Variants in PDE4D observed in about 807,000 individuals in gnomAD.
PDE4D encodes the protein 3',5'-cyclic-AMP phosphodiesterase 4D.
PDE4D carries 24 observed loss-of-function variants against 87.4 expected under a neutral mutation model. The observed-to-expected ratio is 0.27, with a 90% CI of 0.20 to 0.39. PDE4D has a LOEUF of 0.39. PDE4D is among the 10% of genes least tolerant of loss of function. The pLI, the probability that PDE4D is intolerant of heterozygous loss-of-function variation, is 1.00. For missense variants in PDE4D, 714 were observed against 1,041.0 expected (o/e 0.69, Z 4.32); for synonymous variants, 384 against 383.2 (o/e 1.00, Z -0.02).
intron 1 of PDE4D, among the ~76,000 whole-genome samples, chr5:59,684,634 T>G (rs1749561703): frequency 6.6e-6 from 1 of 152,112 alleles, no homozygotes; most frequent in South Asian, 2.1e-4. Context: ...TGTGGGGCCG[T>G]GAGGATATGC....
At chr5:59,312,162 A>G (rs979965097) in intron 1 of PDE4D, among the ~76,000 whole-genome samples, 1 of 152,158 alleles carries the variant, frequency 6.6e-6, no homozygotes, top group African/African-American at 2.4e-5. Flanking sequence ...CCCCTTTTCC[A>G]TGTACGACTT....
intron 5 of PDE4D, among the ~76,000 whole-genome samples, chr5:59,065,561 T>C (rs1351438483): frequency 6.6e-6 from 1 of 152,166 alleles, no homozygotes; most frequent in East Asian, 1.9e-4. Flanking sequence ...AATAAGTTTA[T>C]GGCATTGATT....
At chr5:60,247,961 TAAAC>T (rs1747988410) in intron 1 of PDE4D, among the ~76,000 whole-genome samples, 1 of 152,016 alleles carries the variant, frequency 6.6e-6, no homozygotes, top group African/African-American at 2.4e-5. Flanking sequence ...ATACAAATAA[TAAAC>T]AAATTAATAA....
chr5:60,274,593 T>C (rs1751177763), intron 1 of PDE4D, among the ~76,000 whole-genome samples: 1 of 152,162 alleles, frequency 6.6e-6, no homozygotes, highest in African/African-American at 2.4e-5. Flanking sequence ...ACTCCTGACC[T>C]CAAGTGATCC....
chr5:60,273,813 A>C (rs10471476), intron 1 of PDE4D, among the ~76,000 whole-genome samples: 60,868 of 151,878 alleles, frequency 0.4, 12,639 homozygotes, highest in Middle Eastern at 0.55. Context: ...GATGAGTTCT[A>C]GTCTGGGCAC....
At chr5:60,267,922 T>C (rs897491322) in intron 1 of PDE4D, among the ~76,000 whole-genome samples, 15 of 152,212 alleles carry the variant, frequency 9.9e-5, no homozygotes, top group Non-Finnish European at 1.8e-4. Context: ...TCCACGTTCA[T>C]TCCCAGTCAA....
chr5:60,068,934 G>C (rs1015378397), intron 2 of PDE4D, among the ~76,000 whole-genome samples: 2 of 152,106 alleles, frequency 1.3e-5, no homozygotes, highest in Non-Finnish European at 2.9e-5. Context: ...TGAAACCATT[G>C]CCAAGACCAA....
chr5:60,320,952 A>G (rs1206349097), intron 1 of PDE4D, among the ~76,000 whole-genome samples: 2 of 152,234 alleles, frequency 1.3e-5, no homozygotes, highest in African/African-American at 2.4e-5. Context: ...GGAAGAATCA[A>G]TGTTGTTAAA....
At chr5:59,579,516 G>C (rs1200067810) in intron 1 of PDE4D, among the ~76,000 whole-genome samples, 1 of 152,150 alleles carries the variant, frequency 6.6e-6, no homozygotes, top group Non-Finnish European at 1.5e-5. Flanking sequence ...TTTGAAGAAA[G>C]TAATAATTAT....
At chr5:60,124,678 C>T (rs1457184033) in intron 2 of PDE4D, among the ~76,000 whole-genome samples, 2 of 152,100 alleles carry the variant, frequency 1.3e-5, no homozygotes, top group East Asian at 1.9e-4. Flanking sequence ...TAAGTCTTAA[C>T]TACTATATAT....
chr5:59,885,728 G>T (rs956527260), intron 1 of PDE4D, among the ~76,000 whole-genome samples: 10 of 150,756 alleles, frequency 6.6e-5, no homozygotes, highest in African/African-American at 2.4e-4. Flanking sequence ...CTTACATGTT[G>T]TTTTTTTTTC....
At chr5:59,253,992 C>T (rs573037951) in intron 1 of PDE4D, among the ~76,000 whole-genome samples, 1 of 152,214 alleles carries the variant, frequency 6.6e-6, no homozygotes, top group Non-Finnish European at 1.5e-5. Context: ...GAAATCAAAT[C>T]TACTGGTGTG....
intron 1 of PDE4D, among the ~76,000 whole-genome samples, chr5:59,647,861 T>C (rs1384870300): frequency 1.3e-5 from 2 of 152,186 alleles, no homozygotes; most frequent in Non-Finnish European, 2.9e-5. Context: ...TATGATTTTA[T>C]TTTTATATAT....
intron 1 of PDE4D, among the ~76,000 whole-genome samples, chr5:60,351,901 G>A (rs1489847295): frequency 2.0e-5 from 3 of 151,252 alleles, no homozygotes; most frequent in African/African-American, 7.3e-5. Flanking sequence ...GAACTCTTGG[G>A]GTCAAGCGAT....
rs62358002 is a variant in PDE4D at position 59,211,841 on chromosome 5, A to G, written c.647+3936T>C. On this transcript the variant is annotated intron_variant, in intron 2 of 14. Coordinates refer to ENST00000340635, the MANE Select transcript of PDE4D (RefSeq NM_001104631.2). ...ATAGAGGATAAGATGACGATATCCT[A>G]TCTACTAGGAAGGGATTATCTTCCT... 1.8e-3 allele frequency among the ~76,000 whole-genome samples: 281 copies of G among 152,236 alleles called. 1 individual carries two copies. Among genetic ancestry groups the G allele is most frequent in the Middle Eastern group, 3.4e-3 (1 of 292 alleles).
chr5:59,993,904 G>T (rs1369071882), intron 2 of PDE4D, among the ~76,000 whole-genome samples: 1 of 151,870 alleles, frequency 6.6e-6, no homozygotes, highest in Non-Finnish European at 1.5e-5. Flanking sequence ...TCAAAAATTA[G>T]CCAACTTATA....
intron 2 of PDE4D, among the ~76,000 whole-genome samples, chr5:59,200,041 A>G (rs1288883950): frequency 5.6e-5 from 3 of 53,706 alleles, no homozygotes; most frequent in Non-Finnish European, 1.6e-4. Context: ...ATGCACACAC[A>G]CGTATGTACA....
chr5:59,410,361 C>G (rs530854408), intron 1 of PDE4D, among the ~76,000 whole-genome samples: 1 of 152,244 alleles, frequency 6.6e-6, no homozygotes, highest in South Asian at 2.1e-4. Flanking sequence ...ATTCTTGTGC[C>G]TCAGCTTCCC....
At chr5:59,146,512 G>A (rs1435843435) in intron 5 of PDE4D, among the ~76,000 whole-genome samples, 1 of 151,914 alleles carries the variant, frequency 6.6e-6, no homozygotes, top group Non-Finnish European at 1.5e-5. Context: ...ACTGAAGAGA[G>A]CCAGTTGAAA....
Sources: gnomAD v4.1 joint callset for allele counts (sites outside exome capture counted in the v4.1 genomes callset) on GRCh38, gnomAD v4.1.1 for gene constraint, MANE v1.5 for transcripts, NCBI Gene and HGNC (gene_info 2026-07-23, HGNC 2026-07-21) for gene names.